The following NR1I3 variants were observed in gnomAD, a reference collection of about 807,000 sequenced individuals.
NR1I3 encodes the protein constitutive activator of retinoid response.
NR1I3 carries 30 observed loss-of-function variants against 38.4 expected under a neutral mutation model. The observed-to-expected ratio is 0.78, with a 90% confidence interval of 0.58 to 1.06. NR1I3 has a LOEUF of 1.06. NR1I3 is among the 50% of genes least tolerant of loss of function. The probability of loss-of-function intolerance (pLI) is 0.00; values close to 1 mark genes in which losing one functional copy is unlikely to be tolerated. For missense variants in NR1I3, 388 were observed against 435.7 expected, an observed-to-expected ratio of 0.89 and a Z score of 0.97; for synonymous variants, 143 against 165.1, an observed-to-expected ratio of 0.87 and a Z score of 1.03.
At chr1:161,234,019 T>C (rs953187383) in intron 3 of NR1I3, among the ~76,000 whole-genome samples, 4 of 151,848 alleles carry the variant, frequency 2.6e-5, no homozygotes, top group African/African-American at 9.7e-5. Context: ...AGATGGAGTC[T>C]GTCACTCTGT....
chr1:161,230,271 TAA>T (rs1488592750), intron 8 of NR1I3: 12 of 320,432 alleles, frequency 3.7e-5, no homozygotes, highest in Non-Finnish European at 6.9e-5. Context: ...TTCTATGGTA[TAA>T]AGCATCCCCT....
At chr1:161,233,486 T>A in intron 3 of NR1I3, 148 bp from the exon 4 acceptor site, 2 of 830,840 alleles carry the variant, frequency 2.4e-6, no homozygotes, top group Non-Finnish European at 3.7e-6. Context: ...TGGGCTTGGC[T>A]AAAGTCCTAG....
At position 161,232,792 on chromosome 1, in the gene NR1I3, G is replaced by A. The variant is rs762422829; in HGVS notation, c.548+15C>T. On this transcript the variant is annotated intron_variant, in intron 5 of 8. Coordinates refer to ENST00000367983, the MANE Select transcript of NR1I3 (RefSeq NM_005122.5). ...GAAGTGTTTGCCTCCTGAAAGATGAGGGGAGGTCACTCACCGGAAGACGGG... is the reference window on the plus strand; with the variant it reads ...GAAGTGTTTGCCTCCTGAAAGATGAAGGGAGGTCACTCACCGGAAGACGGG... 5 of 1,613,834 alleles carry A rather than the reference G, an allele frequency of 3.1e-6. No homozygotes were observed. In the Admixed American group the frequency reaches 8.3e-5, roughly 27 times the overall value.
At chr1:161,236,969 TA>T (rs1331646342) in intron 1 of NR1I3, among the ~76,000 whole-genome samples, 7 of 150,458 alleles carry the variant, frequency 4.7e-5, no homozygotes, top group African/African-American at 1.7e-4. Flanking sequence ...TTTTTTTGTT[TA>T]TTTTTTTTTG....
Position 161,229,817 on chromosome 1 carries a change from G to A in NR1I3, c.1027C>T (p.Leu343Phe). 1 of 1,614,242 alleles carries A rather than the reference G, an allele frequency of 6.2e-7. No homozygotes were observed. Among genetic ancestry groups the A allele is most frequent in the Non-Finnish European group, 8.5e-7 (1 of 1,180,044 alleles). Residue 343 changes from leucine to phenylalanine, a missense_variant, in exon 9 of 9, where the codon CTC becomes TTC. Leu to Phe is a conservative substitution (Grantham distance 22, BLOSUM62 0). Coordinates refer to ENST00000367983, the MANE Select transcript of NR1I3 (RefSeq NM_005122.5). ...IQGLSAMMPL[L>F]QEICS ...TGGCCTCAGCTGCAGATCTCCTGGA[G>A]CAGCGGCATCATGGCAGACAGGCCC... is the stretch of plus-strand genomic sequence containing the variant.
chr1:161,230,874 C>T lies in NR1I3; in HGVS notation c.856G>A (p.Glu286Lys). ...CTTTGCAGAGTCAGTGCCATCTCCT[C>T]TTGCAGCTGATCAATCTCATCTCTC... ...TQRDEIDQLQ[E>K]EMALTLQSYI... Residue 286 changes from glutamate (E) to lysine (K), a missense_variant, in exon 8 of 9, where the codon GAG becomes AAG. By Grantham distance (56) the Glu-to-Lys change is moderately conservative. Transcript: ENST00000367983. 1 of 1,614,186 alleles carries T rather than the reference C, an allele frequency of 6.2e-7. No individual in the cohort carries two copies. Among genetic ancestry groups the T allele is most frequent in the Non-Finnish European group, 8.5e-7 (1 of 1,180,038 alleles).
In NR1I3 at chr1:161,233,212, G is replaced by C. The variant is rs372603248; in HGVS notation, c.365C>G (p.Thr122Ser). ...ELIRTLLGAH[T>S]RHMGTMFEQF... ...TTCAAACATGGTGCCCATGTGGCGG[G>C]TGTGGGCCCCCAGGAGTGTCCGGAT... Residue 122 changes from threonine (T) to serine (S), a missense_variant, in exon 4 of 9, where the codon ACC (threonine) becomes AGC (serine). Transcript: ENST00000367983. 2 of 1,614,216 alleles carry C rather than the reference G, an allele frequency of 1.2e-6. No individual in the cohort carries two copies. Among genetic ancestry groups the C allele is most frequent in the Non-Finnish European group, 1.7e-6 (2 of 1,180,036 alleles).
Position 161,231,226 on chromosome 1 carries a change from G to T in NR1I3, c.702C>A (p.Phe234Leu). ...AGAGCAACTCCAAAAACTCTACCTG[G>T]AACCCCACTGTGGGAGATACTAGGA... is the stretch of plus-strand genomic sequence containing the variant. ...YTIEDGARVG[F>L]QVEFLELLFH... Residue 234 changes from phenylalanine (F) to leucine (L), a missense_variant, in exon 7 of 9, where the codon TTC (phenylalanine) becomes TTA (leucine). By Grantham distance (22) the Phe-to-Leu change is conservative. Transcript: ENST00000367983. The T allele has an allele frequency of 6.2e-7, 1 of 1,614,124 alleles. No homozygotes were observed. Among genetic ancestry groups the T allele is most frequent in the Non-Finnish European group, 8.5e-7 (1 of 1,180,030 alleles).
chr1:161,231,542 C>T, intron 5 of NR1I3, 68 bp from the exon 6 acceptor site: 1 of 1,530,156 alleles, frequency 6.5e-7, no homozygotes. Flanking sequence ...TCACTGTCAC[C>T]CTGGCTGGAG....
intron 5 of NR1I3, among the ~76,000 whole-genome samples, chr1:161,232,570 T>C (rs1667589030): frequency 6.6e-6 from 1 of 152,166 alleles, no homozygotes; most frequent in Non-Finnish European, 1.5e-5. Context: ...AGTGCTGGGA[T>C]TACTAGTGTG....
At chr1:161,233,045 C>A in intron 4 of NR1I3, 99 bp from the exon 5 acceptor site, 1 of 1,580,786 alleles carries the variant, frequency 6.3e-7, no homozygotes, top group Admixed American at 1.7e-5. Flanking sequence ...GAGAAGCCTG[C>A]TCAGGCTGGG....
At position 161,233,333 on chromosome 1, in the gene NR1I3, G is replaced by A. The variant is rs779436154; in HGVS notation, c.244C>T (p.Leu82=). 3.1e-6 allele frequency: 5 copies of A among 1,613,112 alleles called. No homozygotes were observed. The South Asian group carries it at 5.5e-5, about 18-fold the overall frequency. The change falls in exon 4 of 9, where the codon CTG becomes TTG. Residue 82 remains leucine (L), a synonymous_variant. Coordinates refer to ENST00000367983, the MANE Select transcript of NR1I3 (RefSeq NM_005122.5). Reference sequence around the variant, plus strand: ...CGCAATGCCAGGGCTTCTGCCGACAGTATCACTGTGCCAGGCAAGAGATCA... The same window carrying A: ...CGCAATGCCAGGGCTTCTGCCGACAATATCACTGTGCCAGGCAAGAGATCA... ...LDAGMRKDMI[L]SAEALALRRA... is the part of the protein sequence containing the mutation.
At position 161,234,561 on chromosome 1, in the gene NR1I3, T is replaced by C. The variant is rs1668183799; in HGVS notation, c.239-1223A>G. Among the ~76,000 whole-genome samples the C allele has an allele frequency of 2.0e-5, 3 of 152,152 alleles. No homozygotes were observed. In the South Asian group the frequency reaches 6.2e-4, roughly 32 times the overall value. The stretch of plus-strand genomic sequence containing the variant: ...TAAACTTGAGTTTGAATACTGACTG[T>C]ACAACTTCTTCTTCCTTCTTCTTTT... On this transcript the variant is annotated intron_variant, in intron 3 of 8. Coordinates refer to ENST00000367983, the MANE Select transcript of NR1I3 (RefSeq NM_005122.5).
At chr1:161,234,150 G>T (rs959202160) in intron 3 of NR1I3, among the ~76,000 whole-genome samples, 1 of 149,892 alleles carries the variant, frequency 6.7e-6, no homozygotes, top group African/African-American at 2.5e-5. Flanking sequence ...CCACCATCAC[G>T]CCCTGCTAAT....
At chr1:161,231,768 C>T (rs1667352774) in intron 5 of NR1I3, among the ~76,000 whole-genome samples, 2 of 152,138 alleles carry the variant, frequency 1.3e-5, no homozygotes, top group Non-Finnish European at 2.9e-5. Flanking sequence ...TCTCAAAGTG[C>T]TGGGATTACA....
At chr1:161,237,758 A>G (rs960480682) in intron 1 of NR1I3, among the ~76,000 whole-genome samples, 15 of 152,034 alleles carry the variant, frequency 9.9e-5, no homozygotes, top group Non-Finnish European at 2.2e-4. Flanking sequence ...CAAAAAAACA[A>G]AAAAACAAAT....
chr1:161,231,461 C>T lies in NR1I3; in HGVS notation c.562G>A (p.Glu188Lys), dbSNP rs919887810. 7.0e-6 allele frequency: 11 copies of T among 1,576,786 alleles called. No individual in the cohort carries two copies. Among genetic ancestry groups the T allele is most frequent in the African/African-American group, 2.8e-5 (2 of 72,150 alleles). Reference protein sequence around the residue: ...DLPVFRSLPIEDQISLLKGAA... With the variant: ...DLPVFRSLPIKDQISLLKGAA... Reference sequence around the variant, plus strand: ...CCCTTGAGAAGGGAGATCTGGTCTTCAATGGGCAGGGAACTGTGGAAAGCA... The same window carrying T: ...CCCTTGAGAAGGGAGATCTGGTCTTTAATGGGCAGGGAACTGTGGAAAGCA... The change falls in exon 6 of 9, where the codon GAA (glutamate) becomes AAA (lysine). Residue 188 changes from glutamate to lysine, a missense_variant. Glu to Lys is a moderately conservative substitution (Grantham distance 56, BLOSUM62 1). Transcript: ENST00000367983.
intron 1 of NR1I3, 84 bp downstream of exon 1, chr1:161,237,957 G>T (rs2102213298): frequency 7.3e-7 from 1 of 1,362,368 alleles, no homozygotes. Context: ...GTGCTGGAAT[G>T]ACACACGTGA....
At chr1:161,237,993 A>T (rs373633941) in intron 1 of NR1I3, 48 bp downstream of exon 1, 35 of 1,551,794 alleles carry the variant, frequency 2.3e-5, no homozygotes, top group Non-Finnish European at 2.7e-5. Flanking sequence ...CCCCAGCATT[A>T]TCTGTATTTT....
Sources: gnomAD v4.1 joint callset for allele counts (sites outside exome capture counted in the v4.1 genomes callset) on GRCh38, gnomAD v4.1.1 for gene constraint, MANE v1.5 for transcripts, NCBI Gene and HGNC (gene_info 2026-07-23, HGNC 2026-07-21) for gene names.